Variants in NPAS1 observed in about 807,000 individuals in gnomAD.
NPAS1 encodes the protein neuronal PAS domain protein 1.
In NPAS1, 29 loss-of-function variants were observed where a neutral mutation model predicts 49.2. That is an observed-to-expected ratio of 0.59 (90% confidence interval 0.44 to 0.80). NPAS1 has a LOEUF of 0.80. NPAS1 is among the 30% of genes least tolerant of loss of function. The pLI, the probability that NPAS1 is intolerant of heterozygous loss-of-function variation, is 0.00. For synonymous variants in NPAS1, 408 were observed against 380.4 expected, an observed-to-expected ratio of 1.07 and a Z score of -0.84; for missense variants, 825 against 835.5, an observed-to-expected ratio of 0.99 and a Z score of 0.15.
chr19:47,026,871 G>T (rs111294075), intron 3 of NPAS1, among the ~76,000 whole-genome samples: 40,273 of 151,362 alleles, frequency 0.27, 5,568 homozygotes, highest in African/African-American at 0.35. Context: ...GGAAAATCAC[G>T]TGAACCAGGA....
In NPAS1 at chr19:47,021,126, G is replaced by A. The variant is rs773951242; in HGVS notation, c.79G>A (p.Asp27Asn). 13 of 1,600,924 alleles carry A rather than the reference G, an allele frequency of 8.1e-6. No individual in the cohort carries two copies. Among genetic ancestry groups the A allele is most frequent in the Middle Eastern group, 1.7e-4 (1 of 5,960 alleles). Reference sequence around the variant, plus strand: ...AGGCCGCGGCGCCAGCGTCCCCTGGGACTTTCTACCCGGGCTGATGGTCAA... The same window carrying A: ...AGGCCGCGGCGCCAGCGTCCCCTGGAACTTTCTACCCGGGCTGATGGTCAA... ...VGGRGASVPW[D>N]FLPGLMVKAP... is the part of the protein sequence containing the mutation. The change falls in exon 2 of 12, where the codon GAC (aspartate) becomes AAC (asparagine). Residue 27 changes from aspartate to asparagine, a missense_variant. Coordinates refer to ENST00000602212, the MANE Select transcript of NPAS1 (RefSeq NM_002517.4). This position sits in a 1 kb window ranked among gnomAD's most constrained non-coding sequence, Gnocchi z 5.7.
At chr19:47,023,757 A>T (rs938938350) in intron 3 of NPAS1, among the ~76,000 whole-genome samples, 12 of 152,044 alleles carry the variant, frequency 7.9e-5, no homozygotes, top group African/African-American at 2.9e-4. Context: ...GTTCGAGACC[A>T]GCCAGGGCAA....
Position 47,021,606 on chromosome 19 carries a change from G to C in NPAS1, c.123-6G>C, listed in dbSNP as rs2056841834. 2 of 1,482,646 alleles carry C rather than the reference G, an allele frequency of 1.3e-6. No homozygotes were observed. The allele number at this position is 1,482,646 out of a possible 1,614,324, so 91.8% of individuals were successfully genotyped here. On this transcript the variant is annotated splice_region_variant and splice_polypyrimidine_tract_variant and intron_variant, in intron 2 of 11. Transcript: ENST00000602212. The surrounding 1 kb of genome is among the most constrained non-coding windows in gnomAD (Gnocchi z 5.7). ...CGCCGACACCTCCTCCGCGCCGCCC[G>C]CCCAGCCTGCAGGCGCAGCGCAAGG...
chr19:47,043,891 C>G (rs58325822), intron 11 of NPAS1, among the ~76,000 whole-genome samples: 1 of 151,818 alleles, frequency 6.6e-6, no homozygotes, highest in Non-Finnish European at 1.5e-5. Context: ...ATAGTGAGAC[C>G]CCATCTCAAC....
Position 47,025,279 on chromosome 19 carries a change from CTTTA to C in NPAS1, c.358+3446_358+3449del, listed in dbSNP as rs200140007. On this transcript the variant is annotated intron_variant, in intron 3 of 11. Transcript: ENST00000602212. ...CAGTTGAGGGAAGGAGGGGTGACAT[CTTTA>C]TTTATTTATTTATAGACGGAGTTTT... Among the ~76,000 whole-genome samples the C allele has an allele frequency of 4.0e-3, 536 of 133,314 alleles. 46 individuals are homozygous for C. Among genetic ancestry groups the C allele is most frequent in the African/African-American group, 0.011 (455 of 40,312 alleles). 87.5% of individuals were successfully genotyped at this position (133,314 alleles called of 152,430 possible).
intron 9 of NPAS1, 32 bp from the exon 10 acceptor site, chr19:47,040,946 C>T: frequency 1.4e-6 from 2 of 1,436,548 alleles, no homozygotes; most frequent in Non-Finnish European, 9.1e-7. Context: ...CCCACCCCAC[C>T]CCCTTCCCAT....
chr19:47,044,558 G>GT (rs1405896075), intron 11 of NPAS1, among the ~76,000 whole-genome samples: 1 of 152,176 alleles, frequency 6.6e-6, no homozygotes, highest in African/African-American at 2.4e-5. Context: ...CTAGACCAGG[G>GT]TATCTTGATC....
At position 47,040,513 on chromosome 19, in the gene NPAS1, A is replaced by G; in HGVS notation, c.1032A>G (p.Gly344=). The change falls in exon 9 of 12, where the codon GGA becomes GGG. Residue 344 remains glycine, a synonymous_variant. Transcript: ENST00000602212. ...GCAGCTGCTACCAGTTTGTCCACGGACAGGACGCCACGAGGATCCGCCAGA... is the reference window on the plus strand; with the variant it reads ...GCAGCTGCTACCAGTTTGTCCACGGGCAGGACGCCACGAGGATCCGCCAGA... The part of the protein sequence containing the change: ...VGRSCYQFVH[G]QDATRIRQSH... 6.2e-7 allele frequency: 1 copy of G among 1,602,526 alleles called. No homozygotes were observed. The highest frequency in any genetic ancestry group is 8.5e-7 in the Non-Finnish European group (1 of 1,175,098).
chr19:47,021,956 C>A lies in NPAS1; in HGVS notation c.358+109C>A. The A allele has an allele frequency of 1.5e-6, 1 of 668,488 alleles. No homozygotes were observed. Among genetic ancestry groups the A allele is most frequent in the Non-Finnish European group, 2.3e-6 (1 of 436,938 alleles). 41.4% of individuals were successfully genotyped at this position (668,488 alleles called of 1,614,324 possible). A position where few individuals can be genotyped will look rare whatever the true frequency, so the allele number is the denominator to read the frequency against. On this transcript the variant is annotated intron_variant, in intron 3 of 11. Transcript: ENST00000602212. The surrounding 1 kb of genome is among the most constrained non-coding windows in gnomAD (Gnocchi z 5.7). ...TCGCCCAGATGCTTGTCTCTGGAGT[C>A]AGCCAGGACCTTTGCGTGTCCCTAT...
rs376727391 is a variant in NPAS1, at chr19:47,039,472, G to A, written c.870G>A (p.Leu290=). The A allele has an allele frequency of 6.2e-7, 1 of 1,610,330 alleles. No individual in the cohort carries two copies. Among genetic ancestry groups the A allele is most frequent in the African/African-American group, 1.3e-5 (1 of 74,836 alleles). ...GCCTTGTGGCCCTCGGGCACACGTTGCCCCCGGCCCCCCTGGCTGAGCTGC... is the reference window on the plus strand; with the variant it reads ...GCCTTGTGGCCCTCGGGCACACGTTACCCCCGGCCCCCCTGGCTGAGCTGC... ...ALGLVALGHT[L]PPAPLAELPL... Residue 290 remains leucine (L), a synonymous_variant, in exon 8 of 12, where the codon TTG becomes TTA. Transcript: ENST00000602212.
At chr19:47,038,554 T>TG (rs2056985251) in intron 6 of NPAS1, among the ~76,000 whole-genome samples, 1 of 145,266 alleles carries the variant, frequency 6.9e-6, no homozygotes, top group Non-Finnish European at 1.5e-5. Context: ...GGACCAGACA[T>TG]GGTGGCTCAC....
chr19:47,020,903 C>CG (rs949356037), intron 1 of NPAS1, 103 bp from the exon 2 acceptor site: 4 of 409,176 alleles, frequency 9.8e-6, no homozygotes, highest in Non-Finnish European at 1.7e-5. Context: ...GGCCCCCCCC[C>CG]CCCCAGCTCC....
chr19:47,030,660 T>C (rs1418813375), intron 3 of NPAS1, among the ~76,000 whole-genome samples: 7 of 48,354 alleles, frequency 1.4e-4, no homozygotes, highest in African/African-American at 5.7e-4. Context: ...TTTTTTTTTT[T>C]TTTTTTTGTC....
Position 47,021,803 on chromosome 19 carries a change from C to A in NPAS1, c.314C>A (p.Ala105Glu). 2 of 1,528,538 alleles carry A rather than the reference C, an allele frequency of 1.3e-6. No individual in the cohort carries two copies. Among genetic ancestry groups the A allele is most frequent in the Admixed American group, 2.0e-5 (1 of 49,674 alleles). The allele number at this position is 1,528,538 out of a possible 1,614,324, so 94.7% of individuals were successfully genotyped here. A position where few individuals can be genotyped will look rare whatever the true frequency, so the allele number is the denominator to read the frequency against. Residue 105 changes from alanine (A) to glutamate (E), a missense_variant, in exon 3 of 12, where the codon GCG (alanine) becomes GAG (glutamate). Transcript: ENST00000602212. The surrounding 1 kb of genome is among the most constrained non-coding windows in gnomAD (Gnocchi z 5.7). ...LRLRRFAALGAPPWGLRAAGP... is the reference protein window; with the variant it reads ...LRLRRFAALGEPPWGLRAAGP... Reference sequence around the variant, plus strand: ...CTGCGCCGGTTCGCCGCGCTGGGGGCGCCGCCCTGGGGGCTGAGAGCCGCG... The same window carrying A: ...CTGCGCCGGTTCGCCGCGCTGGGGGAGCCGCCCTGGGGGCTGAGAGCCGCG...
At chr19:47,039,599 G>A (rs2056997416) in intron 8 of NPAS1, 35 bp downstream of exon 8, 14 of 1,530,050 alleles carry the variant, frequency 9.2e-6, no homozygotes, top group South Asian at 3.8e-5. Context: ...GGTGGATTGG[G>A]GGCACAATGG....
At position 47,021,014 on chromosome 19, in the gene NPAS1, G is replaced by A. The variant is rs1371813972; in HGVS notation, c.-34G>A. ...GCCCCCTCCCGCTGCAGGAGACTCG[G>A]GGCTCGGAGCCCGCCTGAGCGAGCC... On this transcript the variant is annotated 5_prime_UTR_variant, in exon 2 of 12. Coordinates refer to ENST00000602212, the MANE Select transcript of NPAS1 (RefSeq NM_002517.4). The surrounding 1 kb of genome is among the most constrained non-coding windows in gnomAD (Gnocchi z 5.7). 2.5e-6 allele frequency: 4 copies of A among 1,573,036 alleles called. No homozygotes were observed. The highest frequency in any genetic ancestry group is 3.4e-6 in the Non-Finnish European group (4 of 1,163,642).
At chr19:47,033,073 G>A (rs911595330) in intron 5 of NPAS1, among the ~76,000 whole-genome samples, 1 of 151,902 alleles carries the variant, frequency 6.6e-6, no homozygotes. Flanking sequence ...CTGAGTAGCT[G>A]GGACTACAGG....
intron 9 of NPAS1, 113 bp downstream of exon 9, chr19:47,040,663 A>T: frequency 2.9e-6 from 2 of 697,394 alleles, no homozygotes; most frequent in Non-Finnish European, 5.0e-6. Context: ...CTCCTGCTGC[A>T]CCTACAGCTC....
At chr19:47,029,579 T>C (rs537635762) in intron 3 of NPAS1, among the ~76,000 whole-genome samples, 27 of 152,016 alleles carry the variant, frequency 1.8e-4, no homozygotes, top group Admixed American at 5.9e-4. Context: ...TTTTGTATTT[T>C]TGGTAGAGAC....
Sources: allele counts gnomAD v4.1 joint callset (sites outside exome capture counted in the v4.1 genomes callset), GRCh38; gene constraint gnomAD v4.1.1; non-coding constraint Gnocchi (gnomAD v3.1); transcripts MANE v1.5; gene names NCBI Gene and HGNC (gene_info 2026-07-23, HGNC 2026-07-21).